PDSS2: variants seen among roughly 807,000 people sequenced by gnomAD.
PDSS2 encodes the protein all trans-polyprenyl-diphosphate synthase PDSS2.
Under a neutral mutation model 44.5 loss-of-function variants are expected in PDSS2, and 31 were observed. That is an observed-to-expected ratio of 0.70 (90% CI 0.52 to 0.94). The LOEUF is 0.94. Among genes scored for constraint, PDSS2 ranks in the 40% least tolerant of loss-of-function variants. The pLI is 0.00. For synonymous variants in PDSS2, 157 were observed against 180.3 expected, an observed-to-expected ratio of 0.87 and a Z score of 1.03; for missense variants, 452 against 482.2, an observed-to-expected ratio of 0.94 and a Z score of 0.59.
At chr6:107,422,013 GT>G (rs1005153842) in intron 1 of PDSS2, among the ~76,000 whole-genome samples, 19 of 149,114 alleles carry the variant, frequency 1.3e-4, no homozygotes, top group Non-Finnish European at 2.2e-4. Context: ...ATAACTTCCT[GT>G]AAGTCAGTAA....
intron 2 of PDSS2, among the ~76,000 whole-genome samples, chr6:107,290,230 T>C (rs529392964): frequency 2.0e-5 from 3 of 152,334 alleles, no homozygotes; most frequent in East Asian, 1.9e-4. Context: ...GTGAAATGAT[T>C]AGAATGTGAA....
chr6:107,412,807 A>T (rs73513202), intron 1 of PDSS2, among the ~76,000 whole-genome samples: 2 of 152,106 alleles, frequency 1.3e-5, no homozygotes, highest in African/African-American at 4.8e-5. Flanking sequence ...TTTATATTTA[A>T]ATCTCTGACC....
chr6:107,336,825 G>GGTGTGT (rs370135734), intron 1 of PDSS2, among the ~76,000 whole-genome samples: 177 of 106,534 alleles, frequency 1.7e-3, no homozygotes, highest in African/African-American at 5.3e-3. Context: ...AGAGGTGTGT[G>GGTGTGT]GTGTGTGTGT....
At chr6:107,415,741 A>G (rs891560181) in intron 1 of PDSS2, among the ~76,000 whole-genome samples, 1 of 152,208 alleles carries the variant, frequency 6.6e-6, no homozygotes, top group Non-Finnish European at 1.5e-5. Context: ...TCAACTGGGA[A>G]AATGTAATGC....
At chr6:107,425,004 T>C (rs1428905288) in intron 1 of PDSS2, among the ~76,000 whole-genome samples, 1 of 152,176 alleles carries the variant, frequency 6.6e-6, no homozygotes, top group Non-Finnish European at 1.5e-5. Context: ...TGAATGAATC[T>C]CACGAGATCT....
chr6:107,458,813 AAC>A (rs1782141893), intron 1 of PDSS2, among the ~76,000 whole-genome samples, 175 bp downstream of exon 1: 1 of 152,194 alleles, frequency 6.6e-6, no homozygotes, highest in African/African-American at 2.4e-5. Context: ...GCTGAGCAAG[AAC>A]GTTAAGTGGA....
chr6:107,187,899 A>G (rs1772228906), intron 7 of PDSS2, among the ~76,000 whole-genome samples: 1 of 152,204 alleles, frequency 6.6e-6, no homozygotes, highest in African/African-American at 2.4e-5. Context: ...AGAAATAAAC[A>G]TGCACTTAAA....
intron 1 of PDSS2, among the ~76,000 whole-genome samples, chr6:107,394,369 C>A (rs1048434074): frequency 6.6e-6 from 1 of 152,164 alleles, no homozygotes; most frequent in Non-Finnish European, 1.5e-5. Context: ...CTGGAGAAGG[C>A]TCTGGAAGCT....
At chr6:107,231,429 C>G (rs2114736026) in intron 4 of PDSS2, among the ~76,000 whole-genome samples, 1 of 152,188 alleles carries the variant, frequency 6.6e-6, no homozygotes, top group East Asian at 1.9e-4. Flanking sequence ...ACTCCTGCGC[C>G]CTTGCCCTAC....
At chr6:107,319,007 T>TATATAC (rs1554265839) in intron 2 of PDSS2, among the ~76,000 whole-genome samples, 1 of 147,420 alleles carries the variant, frequency 6.8e-6, no homozygotes, top group Admixed American at 6.8e-5. Flanking sequence ...TATATATATA[T>TATATAC]ACACACACAC....
At chr6:107,164,245 C>T (rs1284654565) in intron 7 of PDSS2, among the ~76,000 whole-genome samples, 2 of 151,998 alleles carry the variant, frequency 1.3e-5, no homozygotes, top group Admixed American at 1.3e-4. Context: ...TATACATGTG[C>T]CATGTTGGTG....
intron 2 of PDSS2, among the ~76,000 whole-genome samples, chr6:107,318,457 C>A (rs1003152305): frequency 6.6e-6 from 1 of 151,740 alleles, no homozygotes; most frequent in East Asian, 1.9e-4. Context: ...CAATTTTTTA[C>A]TTTGACACAA....
chr6:107,240,424 T>C (rs1774382572), intron 4 of PDSS2, among the ~76,000 whole-genome samples: 2 of 143,206 alleles, frequency 1.4e-5, no homozygotes, highest in Admixed American at 1.4e-4. Context: ...TTTTTGAAAC[T>C]GCAGTCTCAC....
chr6:107,192,908 C>A (rs1772429604), intron 7 of PDSS2, among the ~76,000 whole-genome samples: 1 of 152,134 alleles, frequency 6.6e-6, no homozygotes, highest in Admixed American at 6.5e-5. Flanking sequence ...TGGAGAGGCC[C>A]TTGAGGGTTT....
chr6:107,184,422 G>A (rs6920395), intron 7 of PDSS2, among the ~76,000 whole-genome samples: 25 of 152,194 alleles, frequency 1.6e-4, no homozygotes, highest in African/African-American at 5.8e-4. Context: ...GCATCTATGT[G>A]TAATAAGAAG....
intron 1 of PDSS2, among the ~76,000 whole-genome samples, chr6:107,377,390 G>A (rs2114434710): frequency 6.6e-6 from 1 of 152,246 alleles, no homozygotes; most frequent in South Asian, 2.1e-4. Context: ...GAAACAACAG[G>A]TGCTGGAGAG....
intron 1 of PDSS2, among the ~76,000 whole-genome samples, chr6:107,379,219 A>G (rs891727176): frequency 1.3e-5 from 2 of 152,232 alleles, no homozygotes; most frequent in African/African-American, 2.4e-5. Flanking sequence ...TGCTTTGAGT[A>G]TTTAAAACTT....
chr6:107,157,720 G>T (rs1770956188), intron 7 of PDSS2, among the ~76,000 whole-genome samples: 1 of 151,906 alleles, frequency 6.6e-6, no homozygotes, highest in Non-Finnish European at 1.5e-5. Context: ...ACCCAGGCTG[G>T]AGTGCAATGG....
At chr6:107,268,908 G>C (rs1427156995) in intron 3 of PDSS2, among the ~76,000 whole-genome samples, 2 of 151,612 alleles carry the variant, frequency 1.3e-5, no homozygotes. Context: ...CTCTCTTTTT[G>C]CTTCCATCAG....
Sources: allele counts gnomAD v4.1 joint callset (sites outside exome capture counted in the v4.1 genomes callset), GRCh38; gene constraint gnomAD v4.1.1; transcripts MANE v1.5; gene names NCBI Gene and HGNC (gene_info 2026-07-23, HGNC 2026-07-21).